FARS2: variants seen among roughly 807,000 people sequenced by gnomAD.
FARS2 encodes the protein phenylalanine--tRNA ligase, mitochondrial.
Under a neutral mutation model 46.4 loss-of-function variants are expected in FARS2, and 40 were observed. That is an observed-to-expected ratio of 0.86 (90% CI 0.67 to 1.12). FARS2 has a LOEUF of 1.12. Ranked by LOEUF, FARS2 falls within the 50% of genes most tolerant of loss-of-function variation. The pLI, the probability that FARS2 is intolerant of heterozygous loss-of-function variation, is 0.00. For missense variants in FARS2, 513 were observed against 567.9 expected (o/e 0.90, Z 0.98); for synonymous variants, 234 against 214.9 (o/e 1.09, Z -0.78).
chr6:5,423,860 G>A (rs74343143), intron 3 of FARS2, among the ~76,000 whole-genome samples: 2,576 of 152,266 alleles, frequency 0.017, 61 homozygotes, highest in African/African-American at 0.059. Flanking sequence ...TAGGGATGAA[G>A]TGTAGGTCAT....
intron 6 of FARS2, among the ~76,000 whole-genome samples, chr6:5,686,347 C>CT (rs1010896673): frequency 6.6e-6 from 1 of 150,986 alleles, no homozygotes; most frequent in African/African-American, 2.5e-5. Flanking sequence ...TGCTCTCCCC[C>CT]CCCGCTGCCC....
At chr6:5,708,996 T>A (rs1758935189) in intron 6 of FARS2, among the ~76,000 whole-genome samples, 1 of 152,204 alleles carries the variant, frequency 6.6e-6, no homozygotes, top group Non-Finnish European at 1.5e-5. Context: ...CTGGCCCTCA[T>A]CTGTCTTAAT....
At chr6:5,436,330 A>T (rs1042746383) in intron 4 of FARS2, among the ~76,000 whole-genome samples, 2 of 152,118 alleles carry the variant, frequency 1.3e-5, no homozygotes, top group Admixed American at 1.3e-4. Context: ...CTGGTAGTTG[A>T]TCTCTATAGC....
intron 6 of FARS2, among the ~76,000 whole-genome samples, chr6:5,719,458 G>GAGAAAGAGAGAAAC (rs767158785): frequency 1.4e-5 from 2 of 147,144 alleles, no homozygotes; most frequent in Non-Finnish European, 3.0e-5. Context: ...AAGAGATAAA[G>GAGAAAGAGAGAAAC]AAAAGAGAAG....
intron 6 of FARS2, among the ~76,000 whole-genome samples, chr6:5,735,963 A>G (rs1261972817): frequency 6.6e-6 from 1 of 152,256 alleles, no homozygotes; most frequent in African/African-American, 2.4e-5. Context: ...GAAGGATATT[A>G]GATGAGTTAT....
At chr6:5,267,325 T>C (rs1765617726) in intron 1 of FARS2, among the ~76,000 whole-genome samples, 2 of 152,182 alleles carry the variant, frequency 1.3e-5, no homozygotes, top group Admixed American at 1.3e-4. Context: ...GACCAGTATT[T>C]TAGGAATAAT....
intron 6 of FARS2, among the ~76,000 whole-genome samples, chr6:5,671,809 A>C (rs1185589090): frequency 2.0e-5 from 3 of 152,174 alleles, no homozygotes; most frequent in Non-Finnish European, 4.4e-5. Flanking sequence ...CCCGCAGGAG[A>C]AATCGCATCA....
rs770035560 is a variant in FARS2 at position 5,368,823 on chromosome 6, C to G, written c.253C>G (p.Pro85Ala). ...GRNLHNQQHH[P>A]LWLIKERVKE... ...GAACCTGCACAACCAGCAGCATCACCCTCTGTGGCTGATCAAGGAGAGGGT... is the reference window on the plus strand; with the variant it reads ...GAACCTGCACAACCAGCAGCATCACGCTCTGTGGCTGATCAAGGAGAGGGT... Residue 85 changes from proline to alanine, a missense_variant, in exon 2 of 7, where the codon CCT (proline) becomes GCT (alanine). Coordinates refer to ENST00000274680, the MANE Select transcript of FARS2 (RefSeq NM_006567.5). The G allele has an allele frequency of 3.1e-6, 5 of 1,614,156 alleles. No individual in the cohort carries two copies. The highest frequency in any genetic ancestry group is 4.2e-6 in the Non-Finnish European group (5 of 1,180,024).
rs767532902 is a variant in FARS2 at position 5,685,898 on chromosome 6, AT to A, written c.1217+72583del. The stretch of plus-strand genomic sequence containing the variant: ...TGTATTAGCAAAAATGAAGACTGTA[AT>A]TTTTAAATGATGTTATTTAGATTGA... On this transcript the variant is annotated intron_variant, in intron 6 of 6. Coordinates refer to ENST00000274680, the MANE Select transcript of FARS2 (RefSeq NM_006567.5). Among the ~76,000 whole-genome samples, 167 of 152,270 alleles carry A rather than the reference AT, an allele frequency of 1.1e-3. 2 individuals carry two copies. The highest frequency in any genetic ancestry group is 1.6e-3 in the Non-Finnish European group (107 of 68,028).
intron 3 of FARS2, among the ~76,000 whole-genome samples, chr6:5,407,204 A>T (rs1003682090): frequency 5.3e-5 from 8 of 151,944 alleles, no homozygotes; most frequent in African/African-American, 1.9e-4. Context: ...GTAGAGAAAT[A>T]GAGTATAGCA....
chr6:5,691,922 C>T (rs2150864774), intron 6 of FARS2, among the ~76,000 whole-genome samples: 1 of 152,326 alleles, frequency 6.6e-6, no homozygotes, highest in Middle Eastern at 3.4e-3. Context: ...TGCCACCTTG[C>T]AGTTTGATCT....
intron 5 of FARS2, among the ~76,000 whole-genome samples, chr6:5,546,467 G>C (rs934079398): frequency 6.6e-6 from 1 of 151,424 alleles, no homozygotes; most frequent in Non-Finnish European, 1.5e-5. Flanking sequence ...GGCCAGGCTG[G>C]TCTCAAACTC....
intron 6 of FARS2, among the ~76,000 whole-genome samples, chr6:5,687,915 C>T (rs1442359124): frequency 4.0e-5 from 6 of 151,818 alleles, no homozygotes; most frequent in Admixed American, 6.6e-5. Context: ...AGGTCCTTCA[C>T]GTCCCTTGTA....
intron 5 of FARS2, chr6:5,610,047 G>T: frequency 1.1e-6 from 1 of 927,308 alleles, no homozygotes; most frequent in Non-Finnish European, 1.8e-6. Context: ...GGAGCAATTG[G>T]TGTTTGGGTC....
intron 1 of FARS2, among the ~76,000 whole-genome samples, chr6:5,280,647 CT>C (rs1766653101): frequency 6.6e-6 from 1 of 151,414 alleles, no homozygotes; most frequent in Non-Finnish European, 1.5e-5. Flanking sequence ...TCTTTTTAAT[CT>C]TGATTTAAAG....
chr6:5,674,176 A>G (rs1254302586), intron 6 of FARS2, among the ~76,000 whole-genome samples: 3 of 131,534 alleles, frequency 2.3e-5, no homozygotes, highest in Non-Finnish European at 4.8e-5. Flanking sequence ...GATTCTTTTC[A>G]GTTAGTGCAT....
At chr6:5,712,748 T>C (rs956475922) in intron 6 of FARS2, among the ~76,000 whole-genome samples, 7 of 152,226 alleles carry the variant, frequency 4.6e-5, no homozygotes, top group African/African-American at 1.7e-4. Context: ...TTGCCGTCCT[T>C]GCTTTGTAAT....
intron 6 of FARS2, among the ~76,000 whole-genome samples, chr6:5,703,312 G>T (rs1430078200): frequency 6.6e-6 from 1 of 151,860 alleles, no homozygotes; most frequent in Non-Finnish European, 1.5e-5. Flanking sequence ...CTCTCCGCTG[G>T]GTGCTGAAAA....
At chr6:5,512,055 A>G (rs1184727804) in intron 4 of FARS2, among the ~76,000 whole-genome samples, 2 of 152,328 alleles carry the variant, frequency 1.3e-5, no homozygotes, top group South Asian at 2.1e-4. Flanking sequence ...TGCTTTATTT[A>G]TGGCATTTTT....
Sources: gnomAD v4.1 joint callset for allele counts (sites outside exome capture counted in the v4.1 genomes callset) on GRCh38, gnomAD v4.1.1 for gene constraint, MANE v1.5 for transcripts, NCBI Gene and HGNC (gene_info 2026-07-23, HGNC 2026-07-21) for gene names.